Variants in LRRC7 observed in about 807,000 individuals in gnomAD.
The protein encoded by LRRC7 is leucine-rich repeat-containing protein 7.
LRRC7 carries 23 observed loss-of-function variants against 175.7 expected under a neutral mutation model. The ratio of observed to expected loss-of-function variants is 0.13; its 90% CI spans 0.09 to 0.19. The LOEUF is 0.19. LRRC7 is among the 10% of genes least tolerant of loss of function. LRRC7 has a pLI of 1.00. For synonymous variants in LRRC7, 685 were observed against 680.9 expected (o/e 1.01, Z -0.09); for missense variants, 1,354 against 1,904.7 (o/e 0.71, Z 5.38).
chr1:70,026,548 T>C (rs1251336245), intron 17 of LRRC7, among the ~76,000 whole-genome samples: 1 of 152,132 alleles, frequency 6.6e-6, no homozygotes, highest in African/African-American at 2.4e-5. Flanking sequence ...ACATTACAAA[T>C]TAAGTACCCT....
At chr1:69,577,987 T>C (rs146328789) in intron 1 of LRRC7, among the ~76,000 whole-genome samples, 2,560 of 152,240 alleles carry the variant, frequency 0.017, 65 homozygotes, top group African/African-American at 0.059. Flanking sequence ...GCCATTTTCA[T>C]GATATTGATT....
At chr1:69,733,800 C>G (rs913008467) in intron 2 of LRRC7, among the ~76,000 whole-genome samples, 1 of 152,028 alleles carries the variant, frequency 6.6e-6, no homozygotes, top group Non-Finnish European at 1.5e-5. Context: ...AGGCATTTGG[C>G]TCTCTGCATC....
intron 4 of LRRC7, among the ~76,000 whole-genome samples, chr1:69,822,061 T>C (rs577823826): frequency 5.6e-4 from 85 of 152,274 alleles, no homozygotes; most frequent in African/African-American, 2.0e-3. Context: ...AGCCAGATGA[T>C]GGATTCTGAG....
At chr1:70,088,694 A>AT (rs1174479178) in intron 24 of LRRC7, among the ~76,000 whole-genome samples, 3 of 152,048 alleles carry the variant, frequency 2.0e-5, no homozygotes. Flanking sequence ...GAGAACTAAC[A>AT]TTTTTACCAT....
At chr1:70,058,494 G>A (rs1438717938) in intron 23 of LRRC7, among the ~76,000 whole-genome samples, 1 of 152,182 alleles carries the variant, frequency 6.6e-6, no homozygotes, top group Non-Finnish European at 1.5e-5. Context: ...AGGAGAATTT[G>A]TATTTTAGAG....
intron 1 of LRRC7, among the ~76,000 whole-genome samples, chr1:69,574,390 T>C (rs984285654): frequency 6.6e-6 from 1 of 152,042 alleles, no homozygotes; most frequent in Admixed American, 6.6e-5. Context: ...CTACAGGATT[T>C]TATGTTATTA....
intron 4 of LRRC7, among the ~76,000 whole-genome samples, chr1:69,824,591 C>T (rs1376989026): frequency 6.6e-6 from 1 of 152,068 alleles, no homozygotes; most frequent in Non-Finnish European, 1.5e-5. Context: ...CTTTGTACCC[C>T]TATTTGGCAG....
rs539894343 is a variant in LRRC7, at chr1:70,022,701, G to A, written c.1546-425G>A. On this transcript the variant is annotated intron_variant, in intron 16 of 26. Transcript: ENST00000651989. ...CTATTGGACAAATTAGAGCACAAAC[G>A]AACTTCTAAATAAATCATCATGGAA... Among the ~76,000 whole-genome samples the A allele has an allele frequency of 4.6e-5, 7 of 152,140 alleles. No individual in the cohort carries two copies. The East Asian group carries it at 7.7e-4, about 17-fold the overall frequency.
At chr1:69,889,023 G>T (rs997307901) in intron 7 of LRRC7, among the ~76,000 whole-genome samples, 1 of 152,136 alleles carries the variant, frequency 6.6e-6, no homozygotes, top group African/African-American at 2.4e-5. Context: ...ACAATATACT[G>T]TAGTCTATTA....
chr1:69,627,559 G>A (rs932927436), intron 1 of LRRC7, among the ~76,000 whole-genome samples: 6 of 152,066 alleles, frequency 3.9e-5, no homozygotes, highest in Admixed American at 3.9e-4. Flanking sequence ...CTTTTGCTGT[G>A]CAGAAGCTCT....
At chr1:69,569,044 G>T (rs1254988944) in intron 1 of LRRC7, among the ~76,000 whole-genome samples, 1 of 148,050 alleles carries the variant, frequency 6.8e-6, no homozygotes, top group Non-Finnish European at 1.5e-5. Context: ...GTGTCTGAGG[G>T]ATGAAGCGCG....
intron 26 of LRRC7, among the ~76,000 whole-genome samples, chr1:70,115,838 A>G (rs1571363694): frequency 1.3e-5 from 2 of 152,334 alleles, no homozygotes; most frequent in African/African-American, 4.8e-5. Context: ...ATTTGATAAA[A>G]TGAACCTGTC....
chr1:69,765,251 A>G (rs1057215168), intron 3 of LRRC7, among the ~76,000 whole-genome samples: 1 of 152,170 alleles, frequency 6.6e-6, no homozygotes, highest in Non-Finnish European at 1.5e-5. Context: ...TCCTTAGGCC[A>G]CATGGCATGT....
At chr1:69,917,063 T>C (rs1646741971) in intron 7 of LRRC7, among the ~76,000 whole-genome samples, 1 of 152,190 alleles carries the variant, frequency 6.6e-6, no homozygotes, top group Admixed American at 6.5e-5. Flanking sequence ...ATTTCAACAA[T>C]TTTACATGTA....
chr1:70,076,170 A>T lies in LRRC7; in HGVS notation c.4324A>T (p.Thr1442Ser). The change falls in exon 24 of 27, where the codon ACC becomes TCC. Residue 1442 changes from threonine (T) to serine (S), a missense_variant. By Grantham distance (58) the Thr-to-Ser change is moderately conservative. Coordinates refer to ENST00000651989, the MANE Select transcript of LRRC7 (RefSeq NM_001370785.2). ...GTATGAAGGAAATATAAACAAAGTG[A>T]CCATCCAGCAATTTCAGTCACCATT... is the stretch of plus-strand genomic sequence containing the variant. ...QPYEGNINKV[T>S]IQQFQSPLPI... is the part of the protein sequence containing the mutation. 1.9e-6 allele frequency: 3 copies of T among 1,614,104 alleles called. No homozygotes were observed. Among genetic ancestry groups the T allele is most frequent in the Non-Finnish European group, 2.5e-6 (3 of 1,179,996 alleles).
rs1214265449 is a variant in LRRC7 at position 70,140,370 on chromosome 1, TAA to T, written c.*18484_*18485del. The T allele has an allele frequency of 3.3e-5, 5 of 152,168 alleles. No individual in the cohort carries two copies. Among genetic ancestry groups the T allele is most frequent in the Non-Finnish European group, 7.4e-5 (5 of 68,024 alleles). The allele number at this position is 152,168 out of a possible 1,614,324, so 9.4% of individuals were successfully genotyped here. On this transcript the variant is annotated 3_prime_UTR_variant, in exon 27 of 27. Transcript: ENST00000651989. Reference sequence around the variant, plus strand: ...TCAGCCCCCTAGGACCAGCTACTGGTAAGTCATTTTGTCCATTTTCATTGATC... The same window carrying T: ...TCAGCCCCCTAGGACCAGCTACTGGTGTCATTTTGTCCATTTTCATTGATC...
rs530049968 is a variant in LRRC7 at position 70,008,340 on chromosome 1, A to C, written c.1005-3457A>C. Among the ~76,000 whole-genome samples the C allele has an allele frequency of 2.0e-5, 3 of 152,320 alleles. No homozygotes were observed. The East Asian group carries it at 5.8e-4, about 29-fold the overall frequency. ...GTTAATCTCTTTTGGCAACACCTAC[A>C]CAGACACACCCAGAATTAATACTTT... On this transcript the variant is annotated intron_variant, in intron 11 of 26. Coordinates refer to ENST00000651989, the MANE Select transcript of LRRC7 (RefSeq NM_001370785.2).
intron 7 of LRRC7, among the ~76,000 whole-genome samples, chr1:69,887,293 A>G (rs1394306061): frequency 1.6e-5 from 2 of 125,380 alleles, no homozygotes; most frequent in Non-Finnish European, 3.3e-5. Flanking sequence ...ATAGTCCCAT[A>G]TTTCTTGGAG....
intron 7 of LRRC7, among the ~76,000 whole-genome samples, chr1:69,899,879 C>G (rs1344392263): frequency 6.6e-6 from 1 of 152,168 alleles, no homozygotes; most frequent in African/African-American, 2.4e-5. Context: ...GTGCCTTGAT[C>G]TTGGACTTCC....
Sources: allele counts gnomAD v4.1 joint callset (sites outside exome capture counted in the v4.1 genomes callset), GRCh38; gene constraint gnomAD v4.1.1; transcripts MANE v1.5; gene names NCBI Gene and HGNC (gene_info 2026-07-23, HGNC 2026-07-21).